IL36B: variants seen among roughly 807,000 people sequenced by gnomAD.
IL36B encodes interleukin-36 beta.
Under a neutral mutation model 19.3 loss-of-function variants are expected in IL36B, and 23 were observed. The ratio of observed to expected loss-of-function variants is 1.19; its 90% CI spans 0.86 to 1.69. The LOEUF is 1.69. IL36B is among the 40% of genes most tolerant of loss of function. The pLI is 0.00. For synonymous variants in IL36B, 59 were observed against 59.7 expected, an observed-to-expected ratio of 0.99 and a Z score of 0.05; for missense variants, 217 against 200.5, an observed-to-expected ratio of 1.08 and a Z score of -0.50.
At chr2:113,035,056 C>G (rs1461448688) in intron 1 of IL36B, among the ~76,000 whole-genome samples, 1 of 152,164 alleles carries the variant, frequency 6.6e-6, no homozygotes, top group Non-Finnish European at 1.5e-5. Context: ...GGCAGAAACT[C>G]CCACCCCAAC....
intron 4 of IL36B, chr2:113,027,695 G>C (rs1684989531): frequency 7.1e-7 from 1 of 1,404,190 alleles, no homozygotes; most frequent in African/African-American, 1.4e-5. Context: ...TGATTTTTAG[G>C]TTTCATCTTG....
At chr2:113,030,798 GC>G (rs1685061028) in intron 3 of IL36B, among the ~76,000 whole-genome samples, 1 of 152,158 alleles carries the variant, frequency 6.6e-6, no homozygotes, top group Non-Finnish European at 1.5e-5. Context: ...GAATGGATAA[GC>G]CCTTCTAATC....
intron 1 of IL36B, among the ~76,000 whole-genome samples, chr2:113,042,102 G>A (rs1019124597): frequency 2.0e-5 from 3 of 152,110 alleles, no homozygotes; most frequent in Admixed American, 2.0e-4. Context: ...CACCAGCCAT[G>A]GGTTTCAGCA....
At chr2:113,028,040 A>G in intron 4 of IL36B, 1 of 1,614,096 alleles carries the variant, frequency 6.2e-7, no homozygotes, top group South Asian at 1.1e-5. Flanking sequence ...ACAGAAGTGG[A>G]GCCTTCTTTA....
At chr2:113,035,510 A>T (rs982725321) in intron 1 of IL36B, among the ~76,000 whole-genome samples, 3 of 152,170 alleles carry the variant, frequency 2.0e-5, no homozygotes, top group East Asian at 1.9e-4. Context: ...CTGAAAAAAA[A>T]AATAATAATA....
intron 1 of IL36B, among the ~76,000 whole-genome samples, chr2:113,035,676 T>G (rs896355522): frequency 2.0e-5 from 3 of 151,988 alleles, no homozygotes; most frequent in African/African-American, 7.3e-5. Flanking sequence ...CCTAGATGAC[T>G]TGATGGTAAA....
At chr2:113,051,410 G>A (rs11687093) in intron 1 of IL36B, among the ~76,000 whole-genome samples, 57,329 of 151,130 alleles carry the variant, frequency 0.38, 11,281 homozygotes, top group South Asian at 0.57. Context: ...GACACACACC[G>A]GAGCCTCACC....
At chr2:113,037,150 C>G (rs755831684) in intron 1 of IL36B, among the ~76,000 whole-genome samples, 6 of 152,224 alleles carry the variant, frequency 3.9e-5, no homozygotes, top group Non-Finnish European at 7.3e-5. Flanking sequence ...TCAGCGACCA[C>G]AGTTGGAGGT....
chr2:113,028,049 T>C (rs866879018), intron 4 of IL36B: 1 of 1,614,180 alleles, frequency 6.2e-7, no homozygotes. Context: ...GAGCCTTCTT[T>C]ATTGTGGAAA....
At chr2:113,032,052 A>G (rs991743858) in intron 1 of IL36B, among the ~76,000 whole-genome samples, 2 of 152,030 alleles carry the variant, frequency 1.3e-5, no homozygotes, top group African/African-American at 4.8e-5. Flanking sequence ...GGAGGTTCCA[A>G]CACATCACCA....
At chr2:113,031,896 T>C (rs1040653451) in intron 1 of IL36B, 130 bp from the exon 2 acceptor site, 1 of 573,532 alleles carries the variant, frequency 1.7e-6, no homozygotes, top group Non-Finnish European at 3.1e-6. Flanking sequence ...TAGATGCATA[T>C]TTGAGAATAA....
At chr2:113,043,624 G>C (rs549319881) in intron 1 of IL36B, among the ~76,000 whole-genome samples, 2 of 151,914 alleles carry the variant, frequency 1.3e-5, no homozygotes, top group Non-Finnish European at 2.9e-5. Flanking sequence ...TGCATGGCAC[G>C]ATCTCAGCTC....
chr2:113,044,504 G>A (rs1685316415), intron 1 of IL36B, among the ~76,000 whole-genome samples: 2 of 151,920 alleles, frequency 1.3e-5, no homozygotes, highest in African/African-American at 4.8e-5. Context: ...TGTTGCCCAG[G>A]CTCACTTTGT....
intron 1 of IL36B, among the ~76,000 whole-genome samples, chr2:113,036,833 C>A (rs1685174791): frequency 6.6e-6 from 1 of 152,206 alleles, no homozygotes; most frequent in Admixed American, 6.5e-5. Context: ...GGTGATTCAG[C>A]CAGTCAGAAG....
intron 5 of IL36B, among the ~76,000 whole-genome samples, chr2:113,023,715 G>A (rs951310302): frequency 2.0e-5 from 3 of 152,082 alleles, no homozygotes; most frequent in African/African-American, 4.8e-5. Context: ...CCAACCATAC[G>A]GCCTAGAGTT....
At chr2:113,045,285 T>C (rs1208163549) in intron 1 of IL36B, among the ~76,000 whole-genome samples, 2 of 152,290 alleles carry the variant, frequency 1.3e-5, no homozygotes, top group Admixed American at 1.3e-4. Flanking sequence ...AGTTCAAATA[T>C]GTTGCTCTAC....
chr2:113,045,599 C>A (rs955000780), intron 1 of IL36B, among the ~76,000 whole-genome samples: 1 of 152,094 alleles, frequency 6.6e-6, no homozygotes, highest in African/African-American at 2.4e-5. Flanking sequence ...ATATATTAGG[C>A]CCCTTGAATT....
chr2:113,051,162 G>A (rs1420125003), intron 1 of IL36B, among the ~76,000 whole-genome samples: 2 of 152,218 alleles, frequency 1.3e-5, no homozygotes, highest in African/African-American at 4.8e-5. Flanking sequence ...CCCCGCCGGA[G>A]GGGCCAGCGC....
At chr2:113,044,272 G>A (rs1573376367) in intron 1 of IL36B, among the ~76,000 whole-genome samples, 2 of 28,106 alleles carry the variant, frequency 7.1e-5, no homozygotes, top group Non-Finnish European at 1.2e-4. Flanking sequence ...GTGTGTGTGT[G>A]TGTGTGTGTG....
Sources: allele counts gnomAD v4.1 joint callset (sites outside exome capture counted in the v4.1 genomes callset), GRCh38; gene constraint gnomAD v4.1.1; transcripts MANE v1.5; gene names NCBI Gene and HGNC (gene_info 2026-07-23, HGNC 2026-07-21).